ABCA7: variants seen among roughly 807,000 people sequenced by gnomAD.
The protein encoded by ABCA7 is phospholipid-transporting ATPase ABCA7.
In ABCA7, 261 loss-of-function variants were observed where a neutral mutation model predicts 227.6. The observed-to-expected ratio is 1.15, with a 90% CI of 1.04 to 1.27. The LOEUF (loss-of-function observed/expected upper bound fraction) is 1.27. Among genes scored for constraint, ABCA7 ranks in the 50% most tolerant of loss-of-function variants. The probability of loss-of-function intolerance (pLI) is 0.00; values close to 1 mark genes in which losing one functional copy is unlikely to be tolerated. For missense variants in ABCA7, 3,331 were observed against 2,924.5 expected (o/e 1.14, Z -3.21); for synonymous variants, 1,488 against 1,279.7 (o/e 1.16, Z -3.47).
In ABCA7 at chr19:1,054,777, C is replaced by G; in HGVS notation, c.3852-3C>G. 6.2e-7 allele frequency: 1 copy of G among 1,604,570 alleles called. No individual in the cohort carries two copies. The highest frequency in any genetic ancestry group is 8.5e-7 in the Non-Finnish European group (1 of 1,176,038). On this transcript the variant is annotated splice_polypyrimidine_tract_variant and splice_region_variant and intron_variant, in intron 28 of 46. Transcript: ENST00000263094. This position sits in a 1 kb window ranked among gnomAD's most constrained non-coding sequence, Gnocchi z 4.8. ...CTGACCCTACATCTCCCCTCACACA[C>G]AGTGAGGACGCCCCAGGGGACCCTG...
intron 12 of ABCA7, chr19:1,045,462 A>C (rs1568257100): frequency 8.9e-6 from 5 of 563,510 alleles, no homozygotes; most frequent in Non-Finnish European, 1.6e-5. Flanking sequence ...AGATGAGAGC[A>C]GGTATAGGTT....
chr19:1,059,127 G>T, intron 40 of ABCA7, 42 bp downstream of exon 40: 1 of 1,593,922 alleles, frequency 6.3e-7, no homozygotes, highest in Non-Finnish European at 8.5e-7. Flanking sequence ...ACAGTGAGTG[G>T]CTGCCCTACT....
chr19:1,049,236 T>A, intron 17 of ABCA7, 30 bp from the exon 18 acceptor site: 1 of 1,569,194 alleles, frequency 6.4e-7, no homozygotes, highest in Non-Finnish European at 8.7e-7. Flanking sequence ...CCCCATGACC[T>A]CCATGGCTGA....
intron 30 of ABCA7, 107 bp downstream of exon 30, chr19:1,055,458 T>A (rs895978441): frequency 4.5e-6 from 6 of 1,342,962 alleles, no homozygotes; most frequent in African/African-American, 1.5e-5. Context: ...GATGCCCAGC[T>A]TGGGGCTACG....
rs2042113680 is a variant in ABCA7 at position 1,054,928 on chromosome 19, C to T, written c.3950+50C>T. ...CTTTCCCCTCTCTGGCCTCAGTTTT[C>T]CCATCTGGTCCCTGGCCAGGGAGCC... is the stretch of plus-strand genomic sequence containing the variant. On this transcript the variant is annotated intron_variant, in intron 29 of 46. Coordinates refer to ENST00000263094, the MANE Select transcript of ABCA7 (RefSeq NM_019112.4). The surrounding 1 kb of genome is among the most constrained non-coding windows in gnomAD (Gnocchi z 4.8). 2 of 1,551,346 alleles carry T rather than the reference C, an allele frequency of 1.3e-6. No individual in the cohort carries two copies. Among genetic ancestry groups the T allele is most frequent in the African/African-American group, 1.4e-5 (1 of 73,158 alleles).
chr19:1,047,814 AGGGGC>A (rs2040865507), intron 16 of ABCA7, among the ~76,000 whole-genome samples, 160 bp downstream of exon 16: 1 of 136,686 alleles, frequency 7.3e-6, no homozygotes, highest in Non-Finnish European at 1.6e-5. Flanking sequence ...GCTGCATTGG[AGGGGC>A]GGGGCCTGAG....
In ABCA7 at chr19:1,061,840, CG is replaced by C; in HGVS notation, c.5527del (p.Asp1843ThrfsTer40). 6.2e-7 allele frequency: 1 copy of C among 1,604,190 alleles called. No homozygotes were observed. Among genetic ancestry groups the C allele is most frequent in the Non-Finnish European group, 8.5e-7 (1 of 1,177,368 alleles). ...AAGACGTCCACGTTTCGCATGGTGACGGGGGACACATTGGCCAGCAGGGGCG... is the reference window on the plus strand; with the variant it reads ...AAGACGTCCACGTTTCGCATGGTGACGGGGACACATTGGCCAGCAGGGGCG... ...AGKTSTFRMVTGDTLASRGEA... is the reference protein window; with the variant it reads ...AGKTSTFRMVXGDTLASRGEA... On this transcript the variant is annotated frameshift_variant, in exon 41 of 47. Coordinates refer to ENST00000263094, the MANE Select transcript of ABCA7 (RefSeq NM_019112.4). LOFTEE classifies it high-confidence loss of function.
Position 1,063,754 on chromosome 19 carries a change from C to A in ABCA7, c.5848-6C>A. The A allele has an allele frequency of 6.5e-7, 1 of 1,547,468 alleles. No individual in the cohort carries two copies. On this transcript the variant is annotated splice_region_variant and splice_polypyrimidine_tract_variant and intron_variant, in intron 43 of 46. Transcript: ENST00000263094. ...CCTTGCTTATGGGATCTTCCGTGCT[C>A]CCCAGGACGAGCCGACCACAGGCAT...
rs767927767 is a variant in ABCA7 at position 1,041,865 on chromosome 19, C to A, written c.195C>A (p.Gly65=). The change falls in exon 4 of 47, where the codon GGC becomes GGA. Residue 65 remains glycine, a synonymous_variant. Transcript: ENST00000263094. ...HFPNKPLPSA[G]TVPWLQGLIC... ...CAAACAAGCCACTGCCATCGGCGGG[C>A]ACCGTGCCCTGGCTCCAGGGTCTCA... 1 of 1,597,722 alleles carries A rather than the reference C, an allele frequency of 6.3e-7. No individual in the cohort carries two copies. The highest frequency in any genetic ancestry group is 8.5e-7 in the Non-Finnish European group (1 of 1,176,786).
At position 1,047,006 on chromosome 19, in the gene ABCA7, G is replaced by A; in HGVS notation, c.1827G>A (p.Leu609=). 1 of 1,569,088 alleles carries A rather than the reference G, an allele frequency of 6.4e-7. No individual in the cohort carries two copies. The highest frequency in any genetic ancestry group is 2.4e-5 in the East Asian group (1 of 42,470). ...CLGPFLLSAA[L]LVLVLKLGDI... is the part of the protein sequence containing the mutation. ...GGCCCTTCCTGCTCAGCGCCGCACT[G>A]CTGGTTCTGGTGCTCAAGGTGGGCG... Residue 609 remains leucine, a synonymous_variant, in exon 14 of 47, where the codon CTG becomes CTA. Coordinates refer to ENST00000263094, the MANE Select transcript of ABCA7 (RefSeq NM_019112.4).
intron 10 of ABCA7, 45 bp from the exon 11 acceptor site, chr19:1,044,532 C>T: frequency 6.3e-7 from 1 of 1,582,468 alleles, no homozygotes. Flanking sequence ...CAGGCATGAG[C>T]CACTGTGCCC....
At position 1,043,515 on chromosome 19, in the gene ABCA7, G is replaced by C. The variant is rs368234738; in HGVS notation, c.930+42G>C. The C allele has an allele frequency of 5.3e-5, 86 of 1,612,680 alleles. No homozygotes were observed. The Admixed American group carries it at 1.4e-3, about 27-fold the overall frequency. ...TGCTGGGGTGGGAGGGTGGTGGCCA[G>C]AGCCCATCCAGTACCCTCAGTCCAG... On this transcript the variant is annotated intron_variant, in intron 9 of 46. Transcript: ENST00000263094.
At position 1,048,927 on chromosome 19, in the gene ABCA7, C is replaced by A; in HGVS notation, c.2302C>A (p.Pro768Thr). Residue 768 changes from proline (P) to threonine (T), a missense_variant, in exon 17 of 47, where the codon CCT (proline) becomes ACT (threonine). Coordinates refer to ENST00000263094, the MANE Select transcript of ABCA7 (RefSeq NM_019112.4). The part of the protein sequence containing the change: ...QYGIPEPWNF[P>T]FRRSYWCGPR... Reference sequence around the variant, plus strand: ...CGGGATCCCTGAACCATGGAATTTTCCTTTTCGGAGGAGCTACTGGTGCGG... The same window carrying A: ...CGGGATCCCTGAACCATGGAATTTTACTTTTCGGAGGAGCTACTGGTGCGG... 6.2e-7 allele frequency: 1 copy of A among 1,609,556 alleles called. No individual in the cohort carries two copies. Among genetic ancestry groups the A allele is most frequent in the Non-Finnish European group, 8.5e-7 (1 of 1,178,308 alleles).
chr19:1,062,931 G>T (rs112750912), intron 42 of ABCA7, among the ~76,000 whole-genome samples: 6 of 116,494 alleles, frequency 5.2e-5, no homozygotes, highest in Admixed American at 8.4e-5. Flanking sequence ...ACTCATGCTG[G>T]CTCCACCCAC....
In ABCA7 at chr19:1,053,476, G is replaced by A. The variant is rs757976453; in HGVS notation, c.3368G>A (p.Arg1123Gln). The A allele has an allele frequency of 1.1e-5, 17 of 1,590,564 alleles. No individual in the cohort carries two copies. Among genetic ancestry groups the A allele is most frequent in the East Asian group, 2.3e-5 (1 of 43,652 alleles). Residue 1123 changes from arginine to glutamine, a missense_variant, in exon 24 of 47, where the codon CGG (arginine) becomes CAG (glutamine). Coordinates refer to ENST00000263094, the MANE Select transcript of ABCA7 (RefSeq NM_019112.4). ...FATLFRELDT[R>Q]LAELRLTGYG... The stretch of plus-strand genomic sequence containing the variant: ...ACACTCTTCCGAGAGCTAGACACGC[G>A]GCTGGCGGAGCTGAGGCTCACTGGC...
intron 40 of ABCA7, among the ~76,000 whole-genome samples, chr19:1,059,776 A>C (rs10403094): frequency 6.6e-6 from 1 of 151,312 alleles, no homozygotes; most frequent in Non-Finnish European, 1.5e-5. Flanking sequence ...ATTAGCCAGG[A>C]TGGTCTCGAT....
intron 43 of ABCA7, 29 bp downstream of exon 43, chr19:1,063,707 G>A: frequency 6.4e-7 from 1 of 1,563,604 alleles, no homozygotes; most frequent in South Asian, 1.2e-5. Context: ...TGGGTGGGGT[G>A]GGGCCTGCGA....
chr19:1,044,918 A>C, intron 11 of ABCA7, 84 bp from the exon 12 acceptor site: 1 of 1,538,424 alleles, frequency 6.5e-7, no homozygotes. Context: ...AACATGGCCC[A>C]GCCCCGAGGT....
chr19:1,049,171 C>T, intron 17 of ABCA7, 95 bp from the exon 18 acceptor site: 1 of 1,423,320 alleles, frequency 7.0e-7, no homozygotes, highest in Non-Finnish European at 9.5e-7. Context: ...AGGCCCCGGC[C>T]CAGCAGGTCC....
Sources: allele counts gnomAD v4.1 joint callset (sites outside exome capture counted in the v4.1 genomes callset), GRCh38; gene constraint gnomAD v4.1.1; non-coding constraint Gnocchi (gnomAD v3.1); transcripts MANE v1.5; gene names NCBI Gene and HGNC (gene_info 2026-07-23, HGNC 2026-07-21).